TEK: variants seen among roughly 807,000 people sequenced by gnomAD.
TEK encodes the protein TEK receptor tyrosine kinase, also known as angiopoietin-1 receptor.
Under a neutral mutation model 131.8 loss-of-function variants are expected in TEK, and 43 were observed. The ratio of observed to expected loss-of-function variants is 0.33; its 90% confidence interval spans 0.26 to 0.42. The LOEUF is 0.42. Ranked by LOEUF, TEK falls within the 10% of genes least tolerant of loss-of-function variation. The pLI, the probability that TEK is intolerant of heterozygous loss-of-function variation, is 1.00. For synonymous variants in TEK, 580 were observed against 491.6 expected (o/e 1.18, Z -2.38); for missense variants, 1,162 against 1,384.4 (o/e 0.84, Z 2.55).
At chr9:27,204,497 C>A (rs1306715799) in intron 13 of TEK, among the ~76,000 whole-genome samples, 1 of 152,058 alleles carries the variant, frequency 6.6e-6, no homozygotes, top group Non-Finnish European at 1.5e-5. Flanking sequence ...CTCTTAGCAT[C>A]ATTGAACTTT....
intron 1 of TEK, among the ~76,000 whole-genome samples, chr9:27,122,679 G>T (rs1821835923): frequency 1.3e-5 from 2 of 152,178 alleles, no homozygotes; most frequent in Admixed American, 1.3e-4. Flanking sequence ...TACATCGAGA[G>T]GTAATACGGG....
chr9:27,109,743 G>T (rs1449098819), intron 1 of TEK, 101 bp downstream of exon 1: 8 of 1,194,288 alleles, frequency 6.7e-6, no homozygotes, highest in Admixed American at 3.7e-5. Context: ...ATGAACAAGG[G>T]GTGGCTGTAG....
rs957886987 is a variant in TEK, at chr9:27,190,551, C to T, written c.1350C>T (p.Ala450=). The T allele has an allele frequency of 3.1e-6, 5 of 1,613,890 alleles. No individual in the cohort carries two copies. The African/African-American group carries it at 4.0e-5, about 13-fold the overall frequency. Reference sequence around the variant, plus strand: ...TAGTTCTTCCAAAGCCCCTGAATGCCCCAAACGTGATTGACACTGGACATA... The same window carrying T: ...TAGTTCTTCCAAAGCCCCTGAATGCTCCAAACGTGATTGACACTGGACATA... ...SVKVLPKPLN[A]PNVIDTGHNF... Residue 450 remains alanine, a synonymous_variant, in exon 10 of 23, where the codon GCC becomes GCT. Coordinates refer to ENST00000380036, the MANE Select transcript of TEK (RefSeq NM_000459.5).
At chr9:27,126,894 A>G (rs950749914) in intron 1 of TEK, among the ~76,000 whole-genome samples, 6 of 152,164 alleles carry the variant, frequency 3.9e-5, no homozygotes, top group African/African-American at 1.4e-4. Flanking sequence ...ACTCACACCC[A>G]TTACAAGCAA....
At chr9:27,208,414 C>A (rs1825480890) in intron 15 of TEK, among the ~76,000 whole-genome samples, 2 of 152,064 alleles carry the variant, frequency 1.3e-5, no homozygotes, top group South Asian at 4.1e-4. Context: ...ATGCACCAAC[C>A]AATAGCCTTC....
rs531585368 is a variant in TEK, at chr9:27,153,261, A to G, written c.53-4570A>G. On this transcript the variant is annotated intron_variant, in intron 1 of 22. Transcript: ENST00000380036. ...CAGGAGTTCAAGACCAGCCTGGCCA[A>G]CATGGTGAAACCCCGCCTCTACTAA... 1.5e-3 allele frequency among the ~76,000 whole-genome samples: 225 copies of G among 152,102 alleles called. 3 individuals are homozygous for G. The highest frequency in any genetic ancestry group is 5.2e-3 in the African/African-American group (216 of 41,502).
chr9:27,147,847 T>G (rs1435720560), intron 1 of TEK, among the ~76,000 whole-genome samples: 1 of 152,244 alleles, frequency 6.6e-6, no homozygotes, highest in Non-Finnish European at 1.5e-5. Context: ...ATTGAATTGT[T>G]AGACATTTTT....
chr9:27,225,304 A>C (rs1237131743), intron 21 of TEK, among the ~76,000 whole-genome samples: 4 of 152,200 alleles, frequency 2.6e-5, no homozygotes. Flanking sequence ...CAAAAAGAAC[A>C]AAACTGGAGG....
At chr9:27,155,178 T>A (rs969700075) in intron 1 of TEK, among the ~76,000 whole-genome samples, 1 of 152,286 alleles carries the variant, frequency 6.6e-6, no homozygotes, top group Non-Finnish European at 1.5e-5. Context: ...TGAAGTGGTG[T>A]TCACTCAGAG....
chr9:27,181,375 A>G (rs34416950), intron 7 of TEK, among the ~76,000 whole-genome samples: 11,837 of 152,232 alleles, frequency 0.078, 582 homozygotes, highest in South Asian at 0.12. Flanking sequence ...ATTTATTGAA[A>G]AAAATCCACA....
At chr9:27,172,175 A>G (rs1285682099) in intron 4 of TEK, among the ~76,000 whole-genome samples, 1 of 152,158 alleles carries the variant, frequency 6.6e-6, no homozygotes, top group East Asian at 1.9e-4. Context: ...AGATTCCCAG[A>G]TGATGGGGAT....
chr9:27,164,764 G>T (rs1338066264), intron 2 of TEK, among the ~76,000 whole-genome samples: 6 of 152,002 alleles, frequency 3.9e-5, no homozygotes, highest in Non-Finnish European at 8.8e-5. Flanking sequence ...TCAAACTCCT[G>T]GCCTTAAGAG....
intron 1 of TEK, among the ~76,000 whole-genome samples, chr9:27,143,519 G>A (rs1384050775): frequency 6.6e-6 from 1 of 152,098 alleles, no homozygotes; most frequent in Non-Finnish European, 1.5e-5. Flanking sequence ...TGAAATTTGT[G>A]TACTAAATGT....
Position 27,111,156 on chromosome 9 carries a change from CA to C in TEK, c.52+1518del, listed in dbSNP as rs571520778. 8.4e-3 allele frequency among the ~76,000 whole-genome samples: 1,280 copies of C among 152,182 alleles called. 18 individuals are homozygous for C. Among genetic ancestry groups the C allele is most frequent in the African/African-American group, 0.029 (1,217 of 41,522 alleles). Reference sequence around the variant, plus strand: ...AAAATCAAACAAAAAGGTATGTAGCCAAAATACTTGTTCCATGTCTAGACCT... The same window carrying C: ...AAAATCAAACAAAAAGGTATGTAGCCAAATACTTGTTCCATGTCTAGACCT... On this transcript the variant is annotated intron_variant, in intron 1 of 22. Transcript: ENST00000380036.
chr9:27,138,257 G>A (rs1245717259), intron 1 of TEK, among the ~76,000 whole-genome samples: 1 of 152,224 alleles, frequency 6.6e-6, no homozygotes, highest in Non-Finnish European at 1.5e-5. Context: ...TGCTGGCTCA[G>A]GTGGCCAGCT....
chr9:27,145,502 T>A (rs1822882453), intron 1 of TEK, among the ~76,000 whole-genome samples: 2 of 152,228 alleles, frequency 1.3e-5, no homozygotes, highest in Non-Finnish European at 2.9e-5. Context: ...TCAAACTGGC[T>A]TTGTGCCATG....
intron 21 of TEK, among the ~76,000 whole-genome samples, chr9:27,222,972 T>C (rs1826149233): frequency 6.6e-6 from 1 of 152,058 alleles, no homozygotes; most frequent in South Asian, 2.1e-4. Flanking sequence ...GGGGTTGCAA[T>C]CCTAGTCTCT....
chr9:27,181,177 A>G (rs1824356521), intron 7 of TEK, among the ~76,000 whole-genome samples: 1 of 152,190 alleles, frequency 6.6e-6, no homozygotes, highest in Admixed American at 6.5e-5. Flanking sequence ...AGACTTAACT[A>G]CTAATAGCCT....
At chr9:27,147,768 T>G (rs939530389) in intron 1 of TEK, among the ~76,000 whole-genome samples, 2 of 152,222 alleles carry the variant, frequency 1.3e-5, no homozygotes, top group African/African-American at 4.8e-5. Flanking sequence ...ATGGGTGGTT[T>G]TAGGTTAGGG....
Sources: allele counts gnomAD v4.1 joint callset (sites outside exome capture counted in the v4.1 genomes callset), GRCh38; gene constraint gnomAD v4.1.1; transcripts MANE v1.5; gene names NCBI Gene and HGNC (gene_info 2026-07-23, HGNC 2026-07-21).